Variants in CDIN1 observed in about 807,000 individuals in gnomAD.
The protein encoded by CDIN1 is CDAN1-interacting nuclease 1.
A neutral mutation model predicts 45.3 loss-of-function variants in CDIN1; 33 were observed. The ratio of observed to expected loss-of-function variants is 0.73; its 90% confidence interval spans 0.55 to 0.97. The LOEUF is 0.97. CDIN1 is among the 50% of genes least tolerant of loss of function. CDIN1 has a pLI of 0.00. For synonymous variants in CDIN1, 118 were observed against 124.4 expected, an observed-to-expected ratio of 0.95 and a Z score of 0.34; for missense variants, 303 against 339.4, an observed-to-expected ratio of 0.89 and a Z score of 0.84.
At chr15:36,807,548 A>G (rs1198529014) in intron 10 of CDIN1, among the ~76,000 whole-genome samples, 1 of 152,166 alleles carries the variant, frequency 6.6e-6, no homozygotes, top group Non-Finnish European at 1.5e-5. Context: ...AGTAGTCCAT[A>G]GGGCCACTTC....
At chr15:36,757,969 T>C (rs1452300863) in intron 10 of CDIN1, among the ~76,000 whole-genome samples, 3 of 152,176 alleles carry the variant, frequency 2.0e-5, no homozygotes, top group Non-Finnish European at 4.4e-5. Context: ...TGGTTCTTTT[T>C]TTATTGTTAC....
chr15:36,645,491 GAC>G (rs1041703966), intron 3 of CDIN1, among the ~76,000 whole-genome samples: 1 of 111,420 alleles, frequency 9.0e-6, no homozygotes, highest in Non-Finnish European at 1.9e-5. Flanking sequence ...AGGCTGTCTT[GAC>G]TTGTGTGTGT....
At chr15:36,686,431 G>A (rs1218145723) in intron 5 of CDIN1, among the ~76,000 whole-genome samples, 1 of 134,286 alleles carries the variant, frequency 7.4e-6, no homozygotes, top group Non-Finnish European at 1.6e-5. Flanking sequence ...GCGGGGGAGG[G>A]ATATCATTGG....
intron 10 of CDIN1, among the ~76,000 whole-genome samples, chr15:36,788,071 T>TATAC (rs1226009586): frequency 1.6e-4 from 4 of 24,412 alleles, no homozygotes; most frequent in African/African-American, 3.5e-4. Context: ...ACGATAATTT[T>TATAC]ATACATATAT....
At chr15:36,758,026 A>G (rs752035207) in intron 10 of CDIN1, among the ~76,000 whole-genome samples, 3 of 152,036 alleles carry the variant, frequency 2.0e-5, no homozygotes, top group African/African-American at 7.3e-5. Flanking sequence ...ATATGTATGT[A>G]TGTATAGGAA....
chr15:36,728,092 T>A (rs2043704264), intron 10 of CDIN1, among the ~76,000 whole-genome samples: 1 of 152,234 alleles, frequency 6.6e-6, no homozygotes, highest in Non-Finnish European at 1.5e-5. Flanking sequence ...CCAAGTATTC[T>A]TATGATACAC....
Position 36,621,927 on chromosome 15 carries a change from C to T in CDIN1, c.102-22351C>T, listed in dbSNP as rs568037601. 2.1e-5 allele frequency among the ~76,000 whole-genome samples: 3 copies of T among 145,282 alleles called. No homozygotes were observed. The South Asian group carries it at 6.5e-4, about 31-fold the overall frequency. On this transcript the variant is annotated intron_variant, in intron 1 of 10. Coordinates refer to ENST00000566621, the MANE Select transcript of CDIN1 (RefSeq NM_001321759.2). ...ATAGAATTGCTTTGGTCTAAGAATTCATGATAGACTAAATGAAATCCTTCA... is the reference window on the plus strand; with the variant it reads ...ATAGAATTGCTTTGGTCTAAGAATTTATGATAGACTAAATGAAATCCTTCA...
chr15:36,698,302 A>G (rs570570100), intron 8 of CDIN1, among the ~76,000 whole-genome samples: 2 of 152,346 alleles, frequency 1.3e-5, no homozygotes, highest in East Asian at 3.9e-4. Flanking sequence ...AATAAACTGT[A>G]GAATAAAATT....
intron 10 of CDIN1, among the ~76,000 whole-genome samples, chr15:36,765,738 A>G (rs1429667605): frequency 2.0e-5 from 3 of 152,224 alleles, no homozygotes; most frequent in African/African-American, 7.2e-5. Flanking sequence ...TATAATTGAT[A>G]TACCAAAAAT....
chr15:36,617,116 T>G, intron 1 of CDIN1: 5 of 930,240 alleles, frequency 5.4e-6, no homozygotes, highest in Non-Finnish European at 9.0e-6. Context: ...GCAGGTAACA[T>G]CTAAAGGAAC....
chr15:36,781,775 T>C (rs1214904163), intron 10 of CDIN1, among the ~76,000 whole-genome samples: 1 of 152,214 alleles, frequency 6.6e-6, no homozygotes, highest in Non-Finnish European at 1.5e-5. Flanking sequence ...TGGATTATCA[T>C]AAGCTCAATG....
chr15:36,774,281 A>C (rs1339320781), intron 10 of CDIN1, among the ~76,000 whole-genome samples: 1 of 152,082 alleles, frequency 6.6e-6, no homozygotes. Context: ...AAGGGTTAAC[A>C]AACTGGAAAT....
intron 1 of CDIN1, among the ~76,000 whole-genome samples, chr15:36,621,916 GTCTAA>G (rs1351337890): frequency 6.8e-6 from 1 of 146,450 alleles, no homozygotes; most frequent in East Asian, 2.0e-4. Flanking sequence ...AATTGCTTTG[GTCTAA>G]GAATTCATGA....
chr15:36,761,101 A>G (rs1028283281), intron 10 of CDIN1, among the ~76,000 whole-genome samples: 6 of 152,292 alleles, frequency 3.9e-5, no homozygotes, highest in South Asian at 4.1e-4. Flanking sequence ...TCTAAAAGCT[A>G]AGGCACTTAA....
intron 5 of CDIN1, among the ~76,000 whole-genome samples, chr15:36,674,839 G>A (rs991413805): frequency 6.6e-6 from 1 of 152,016 alleles, no homozygotes; most frequent in African/African-American, 2.4e-5. Context: ...CTAACTCAAG[G>A]GGAAAATATA....
chr15:36,589,654 C>T (rs965519152), intron 1 of CDIN1, among the ~76,000 whole-genome samples: 7 of 152,066 alleles, frequency 4.6e-5, no homozygotes, highest in African/African-American at 1.7e-4. Flanking sequence ...TACAGGCGCC[C>T]GCCACCACGC....
At chr15:36,798,198 A>C (rs1290486950) in intron 10 of CDIN1, among the ~76,000 whole-genome samples, 1 of 152,144 alleles carries the variant, frequency 6.6e-6, no homozygotes, top group Non-Finnish European at 1.5e-5. Flanking sequence ...GCCCTCATGA[A>C]GCTTACATTT....
chr15:36,596,900 A>T (rs2037862319), intron 1 of CDIN1, among the ~76,000 whole-genome samples: 1 of 152,220 alleles, frequency 6.6e-6, no homozygotes, highest in African/African-American at 2.4e-5. Context: ...TCAAAACAGT[A>T]ATGTATTAAA....
intron 1 of CDIN1, 145 bp downstream of exon 1, chr15:36,580,106 A>C (rs1268553400): frequency 1.5e-6 from 1 of 689,132 alleles, no homozygotes; most frequent in Non-Finnish European, 2.4e-6. Flanking sequence ...GTTGGCGAAA[A>C]AAGGTTTATT....
Sources: allele counts gnomAD v4.1 joint callset (sites outside exome capture counted in the v4.1 genomes callset), GRCh38; gene constraint gnomAD v4.1.1; transcripts MANE v1.5; gene names NCBI Gene and HGNC (gene_info 2026-07-23, HGNC 2026-07-21).